The following SYCP2L variants were observed in gnomAD, a reference collection of about 807,000 sequenced individuals.
SYCP2L encodes synaptonemal complex protein 2-like.
A neutral mutation model predicts 125.8 loss-of-function variants in SYCP2L; 98 were observed. That is an observed-to-expected ratio of 0.78 (90% confidence interval 0.66 to 0.92). SYCP2L has a LOEUF of 0.92. SYCP2L is among the 40% of genes least tolerant of loss of function. The pLI is 0.00. For missense variants in SYCP2L, 842 were observed against 936.4 expected, an observed-to-expected ratio of 0.90 and a Z score of 1.32; for synonymous variants, 317 against 325.4, an observed-to-expected ratio of 0.97 and a Z score of 0.28.
chr6:10,966,765 C>G (rs1330268607), intron 29 of SYCP2L, among the ~76,000 whole-genome samples: 1 of 152,112 alleles, frequency 6.6e-6, no homozygotes, highest in Non-Finnish European at 1.5e-5. Flanking sequence ...TAAAACCAAA[C>G]CTGGTTCTTT....
At position 10,954,674 on chromosome 6, in the gene SYCP2L, T is replaced by C. The variant is rs1247058367; in HGVS notation, c.1955-442T>C. ...AGGCAAGATGGCCTCGTTTATGACG[T>C]AGCCTTCAGCATAGCGCCGATGTGC... is the stretch of plus-strand genomic sequence containing the variant. On this transcript the variant is annotated intron_variant, in intron 23 of 29. Coordinates refer to ENST00000283141, the MANE Select transcript of SYCP2L (RefSeq NM_001040274.3). The surrounding 1 kb of genome is among the most constrained non-coding windows in gnomAD (Gnocchi z 4.8). 1.3e-5 allele frequency among the ~76,000 whole-genome samples: 2 copies of C among 152,208 alleles called. No homozygotes were observed. Among genetic ancestry groups the C allele is most frequent in the Admixed American group, 1.3e-4 (2 of 15,286 alleles).
At chr6:10,917,449 A>T (rs542570812) in intron 14 of SYCP2L, among the ~76,000 whole-genome samples, 1 of 152,222 alleles carries the variant, frequency 6.6e-6, no homozygotes, top group Admixed American at 6.5e-5. Flanking sequence ...GTTTTGTCTG[A>T]TATGAGAATA....
At chr6:10,951,554 T>G (rs1781410938) in intron 23 of SYCP2L, among the ~76,000 whole-genome samples, 1 of 152,264 alleles carries the variant, frequency 6.6e-6, no homozygotes, top group South Asian at 2.1e-4. Context: ...ACTGCATTAA[T>G]CTATACAAAA....
chr6:10,973,786 A>G (rs139243266), intron 29 of SYCP2L, among the ~76,000 whole-genome samples, 166 bp from the exon 30 acceptor site: 1 of 152,364 alleles, frequency 6.6e-6, no homozygotes, highest in African/African-American at 2.4e-5. Context: ...GGACACTGAC[A>G]TGAGCTTTTG....
intron 14 of SYCP2L, among the ~76,000 whole-genome samples, chr6:10,918,881 A>T (rs9467933): frequency 0.046 from 7,066 of 152,148 alleles, 411 homozygotes; most frequent in East Asian, 0.21. Context: ...GACTTTCCAG[A>T]GCATTTTGCA....
chr6:10,895,653 G>T (rs984581986), intron 4 of SYCP2L, among the ~76,000 whole-genome samples: 2 of 151,860 alleles, frequency 1.3e-5, no homozygotes, highest in Non-Finnish European at 2.9e-5. Flanking sequence ...ATGAATTAGA[G>T]AATAAAAGAT....
chr6:10,961,591 TTGG>T, intron 28 of SYCP2L, 33 bp downstream of exon 28: 1 of 1,608,372 alleles, frequency 6.2e-7, no homozygotes, highest in Non-Finnish European at 8.5e-7. Context: ...TAGAAGAATC[TTGG>T]TTGAAGTATG....
intron 10 of SYCP2L, among the ~76,000 whole-genome samples, chr6:10,908,148 A>G (rs1003391312): frequency 5.9e-5 from 9 of 152,196 alleles, no homozygotes; most frequent in Admixed American, 1.3e-4. Flanking sequence ...TTGGCCTCCC[A>G]AAGTGCTGGA....
intron 23 of SYCP2L, among the ~76,000 whole-genome samples, chr6:10,943,835 T>C (rs577188592): frequency 7.2e-5 from 11 of 152,350 alleles, no homozygotes; most frequent in African/African-American, 2.6e-4. Flanking sequence ...ATATGTGGCT[T>C]CTTTTGCTCA....
At chr6:10,903,764 T>A (rs1780433743) in intron 8 of SYCP2L, among the ~76,000 whole-genome samples, 2 of 151,760 alleles carry the variant, frequency 1.3e-5, no homozygotes, top group African/African-American at 4.8e-5. Context: ...AAAATAAAAA[T>A]AAATAAAAAT....
intron 8 of SYCP2L, among the ~76,000 whole-genome samples, chr6:10,904,009 T>G (rs1780439333): frequency 6.6e-6 from 1 of 152,176 alleles, no homozygotes; most frequent in African/African-American, 2.4e-5. Flanking sequence ...CAGCTCTAAC[T>G]TCATCACACC....
intron 6 of SYCP2L, 114 bp from the exon 7 acceptor site, chr6:10,902,563 T>A: frequency 1.2e-6 from 1 of 818,240 alleles, no homozygotes; most frequent in Non-Finnish European, 1.9e-6. Context: ...GCAAAGTGGG[T>A]TATATTGTAG....
In SYCP2L at chr6:10,958,218, T is replaced by TA. The variant is rs542568072; in HGVS notation, c.2164-566_2164-565insA. ...CCGAGACTGGATAATTTATTTTTTTTTAAAAAAAGAGGTTTAATTAGCTCA... is the reference window on the plus strand; with the variant it reads ...CCGAGACTGGATAATTTATTTTTTTTATAAAAAAAGAGGTTTAATTAGCTCA... On this transcript the variant is annotated intron_variant, in intron 25 of 29. Coordinates refer to ENST00000283141, the MANE Select transcript of SYCP2L (RefSeq NM_001040274.3). Among the ~76,000 whole-genome samples the TA allele has an allele frequency of 3.1e-3, 453 of 146,430 alleles. 1 individual carries two copies. The highest frequency in any genetic ancestry group is 4.6e-3 in the Non-Finnish European group (314 of 67,962).
intron 29 of SYCP2L, among the ~76,000 whole-genome samples, chr6:10,966,213 C>G (rs1168966471): frequency 2.0e-5 from 3 of 152,054 alleles, no homozygotes; most frequent in Non-Finnish European, 4.4e-5. Flanking sequence ...ATTGTCATGA[C>G]CAAGTGAGAT....
chr6:10,928,054 T>A (rs1780928897), intron 17 of SYCP2L, among the ~76,000 whole-genome samples: 1 of 152,222 alleles, frequency 6.6e-6, no homozygotes, highest in Non-Finnish European at 1.5e-5. Flanking sequence ...TATCCTGTTC[T>A]TTTTTCAAGG....
intron 23 of SYCP2L, among the ~76,000 whole-genome samples, chr6:10,950,167 GTCCTTTCA>G: frequency 6.6e-6 from 1 of 151,938 alleles, no homozygotes; most frequent in Non-Finnish European, 1.5e-5. Flanking sequence ...TTTTAAAGCT[GTCCTTTCA>G]TTACCTTTTG....
At chr6:10,935,766 A>G (rs571538638) in intron 21 of SYCP2L, among the ~76,000 whole-genome samples, 18 of 152,266 alleles carry the variant, frequency 1.2e-4, no homozygotes, top group Admixed American at 1.0e-3. Flanking sequence ...AAGTGCTGGG[A>G]CTACAGGCGT....
chr6:10,954,923 T>C lies in SYCP2L; in HGVS notation c.1955-193T>C, dbSNP rs899016774. Reference sequence around the variant, plus strand: ...CTGAGCTCATCAAAGGGATGCCTGTTCCCATGTTCAGGTATCAGTAGACAT... The same window carrying C: ...CTGAGCTCATCAAAGGGATGCCTGTCCCCATGTTCAGGTATCAGTAGACAT... On this transcript the variant is annotated intron_variant, in intron 23 of 29. Coordinates refer to ENST00000283141, the MANE Select transcript of SYCP2L (RefSeq NM_001040274.3). This position sits in a 1 kb window ranked among gnomAD's most constrained non-coding sequence, Gnocchi z 4.8. Among the ~76,000 whole-genome samples the C allele has an allele frequency of 2.0e-5, 3 of 152,320 alleles. No homozygotes were observed. The East Asian group carries it at 5.8e-4, about 29-fold the overall frequency.
chr6:10,973,088 A>G (rs1428060180), intron 29 of SYCP2L, among the ~76,000 whole-genome samples: 3 of 152,254 alleles, frequency 2.0e-5, no homozygotes, highest in African/African-American at 7.2e-5. Flanking sequence ...CACATGCTGC[A>G]CACAGAAAAA....
Sources: allele counts gnomAD v4.1 joint callset (sites outside exome capture counted in the v4.1 genomes callset), GRCh38; gene constraint gnomAD v4.1.1; non-coding constraint Gnocchi (gnomAD v3.1); transcripts MANE v1.5; gene names NCBI Gene and HGNC (gene_info 2026-07-23, HGNC 2026-07-21).